TADA2A: variants seen among roughly 807,000 people sequenced by gnomAD.
TADA2A encodes transcriptional adapter 2-alpha.
A neutral mutation model predicts 67.4 loss-of-function variants in TADA2A; 38 were observed. That is an observed-to-expected ratio of 0.56 (90% CI 0.44 to 0.74). The LOEUF (loss-of-function observed/expected upper bound fraction) is 0.74. TADA2A is among the 30% of genes least tolerant of loss of function. The probability of loss-of-function intolerance (pLI) is 0.00; values close to 1 mark genes in which losing one functional copy is unlikely to be tolerated. For missense variants in TADA2A, 454 were observed against 547.0 expected (o/e 0.83, Z 1.70); for synonymous variants, 192 against 181.6 (o/e 1.06, Z -0.46).
At chr17:37,439,816 T>G (rs1877827847) in intron 5 of TADA2A, among the ~76,000 whole-genome samples, 1 of 152,062 alleles carries the variant, frequency 6.6e-6, no homozygotes. Flanking sequence ...TTCTGTATAT[T>G]TTGAATGTTC....
chr17:37,453,731 A>G (rs74321332), intron 8 of TADA2A, among the ~76,000 whole-genome samples: 143 of 136,044 alleles, frequency 1.1e-3, no homozygotes, highest in African/African-American at 3.7e-3. Flanking sequence ...TCTATTTTGG[A>G]TTGAAGCTTA....
At position 37,406,914 on chromosome 17, in the gene TADA2A, G is replaced by A. The variant is rs2051550106; in HGVS notation, c.-133G>A. The A allele has an allele frequency of 7.4e-6, 1 of 135,890 alleles. No individual in the cohort carries two copies. Among genetic ancestry groups the A allele is most frequent in the Non-Finnish European group, 1.6e-5 (1 of 62,966 alleles). The allele number at this position is 135,890 out of a possible 1,614,324, so 8.4% of individuals were successfully genotyped here. A position where few individuals can be genotyped will look rare whatever the true frequency, so the allele number is the denominator to read the frequency against. ...CAAAGCCCGGAGGCGCGCGCGACCG[G>A]CGGCTCTTTGGCGCGGATTAGGGGG... On this transcript the variant is annotated 5_prime_UTR_variant, in exon 1 of 16. Coordinates refer to ENST00000615182, the MANE Select transcript of TADA2A (RefSeq NM_001166105.3).
chr17:37,442,994 C>G (rs2052966780), intron 7 of TADA2A, among the ~76,000 whole-genome samples: 1 of 152,028 alleles, frequency 6.6e-6, no homozygotes, highest in African/African-American at 2.4e-5. Flanking sequence ...GAGACCCTGT[C>G]TCTACAAAAA....
At position 37,411,338 on chromosome 17, in the gene TADA2A, CA is replaced by C. The variant is rs775733980; in HGVS notation, c.-25del. The C allele has an allele frequency of 9.9e-6, 16 of 1,613,616 alleles. No homozygotes were observed. Among genetic ancestry groups the C allele is most frequent in the Non-Finnish European group, 1.4e-5 (16 of 1,179,634 alleles). ...TTGAAGAAGCTCTGCTGAGGAAGAC[CA>C]AAGCAGCACTCGTTGCCAATTAGGG... is the stretch of plus-strand genomic sequence containing the variant. On this transcript the variant is annotated 5_prime_UTR_variant, in exon 2 of 16. Transcript: ENST00000615182.
chr17:37,413,253 C>G (rs2051934292), intron 2 of TADA2A, among the ~76,000 whole-genome samples: 1 of 152,052 alleles, frequency 6.6e-6, no homozygotes, highest in Non-Finnish European at 1.5e-5. Flanking sequence ...TAAAGGAGCT[C>G]TAATTTACTT....
intron 1 of TADA2A, 50 bp downstream of exon 1, chr17:37,406,999 C>T (rs1000931927): frequency 5.4e-5 from 8 of 147,460 alleles, no homozygotes; most frequent in Non-Finnish European, 1.2e-4. Flanking sequence ...TGGCGGAGCG[C>T]GAGCCCCTCT....
At chr17:37,452,203 G>A (rs995981616) in intron 8 of TADA2A, among the ~76,000 whole-genome samples, 1 of 152,088 alleles carries the variant, frequency 6.6e-6, no homozygotes, top group East Asian at 1.9e-4. Context: ...AGGAGTTGCA[G>A]ACCACCCTGG....
chr17:37,409,749 G>A (rs1392548395), intron 1 of TADA2A, among the ~76,000 whole-genome samples: 2 of 144,706 alleles, frequency 1.4e-5, no homozygotes, highest in African/African-American at 2.6e-5. Flanking sequence ...CCTAGGCAAC[G>A]AGAGCGAGAC....
chr17:37,416,757 T>C (rs2052061374), intron 2 of TADA2A, among the ~76,000 whole-genome samples: 2 of 151,618 alleles, frequency 1.3e-5, no homozygotes, highest in Admixed American at 1.3e-4. Context: ...CCCAACTACT[T>C]GAGAGGCTGA....
intron 4 of TADA2A, 109 bp from the exon 5 acceptor site, chr17:37,437,629 C>A: frequency 6.7e-6 from 6 of 891,820 alleles, no homozygotes; most frequent in Non-Finnish European, 1.1e-5. Flanking sequence ...TCAGGTGATC[C>A]GCCCGCCTCC....
intron 4 of TADA2A, among the ~76,000 whole-genome samples, chr17:37,431,578 CT>C (rs59591200): frequency 0.43 from 60,106 of 138,340 alleles, 12,065 homozygotes; most frequent in East Asian, 0.76. Context: ...TTTATCTTTT[CT>C]TTTTTTTTTT....
intron 8 of TADA2A, among the ~76,000 whole-genome samples, chr17:37,457,315 G>C (rs1016995338): frequency 2.6e-5 from 4 of 150,958 alleles, no homozygotes; most frequent in African/African-American, 9.8e-5. Context: ...CGAGTAGCTG[G>C]GACTACAGGC....
Position 37,440,162 on chromosome 17 carries a change from G to A in TADA2A, c.285-343G>A, listed in dbSNP as rs112120478. ...GGGTTTCTCCATGTTGATCAGGCTGGTCTCTAACTCCCAACCTCAGGTGAT... is the reference window on the plus strand; with the variant it reads ...GGGTTTCTCCATGTTGATCAGGCTGATCTCTAACTCCCAACCTCAGGTGAT... On this transcript the variant is annotated intron_variant, in intron 5 of 15. Coordinates refer to ENST00000615182, the MANE Select transcript of TADA2A (RefSeq NM_001166105.3). 5.8e-3 allele frequency among the ~76,000 whole-genome samples: 884 copies of A among 151,974 alleles called. 5 individuals carry two copies. Among genetic ancestry groups the A allele is most frequent in the African/African-American group, 0.018 (764 of 41,446 alleles).
At chr17:37,445,488 A>G (rs539303189) in intron 8 of TADA2A, among the ~76,000 whole-genome samples, 152 of 151,862 alleles carry the variant, frequency 1.0e-3, no homozygotes, top group African/African-American at 3.4e-3. Flanking sequence ...CTGGTCTGCA[A>G]CTCCTAACCT....
intron 3 of TADA2A, among the ~76,000 whole-genome samples, chr17:37,425,559 A>G (rs1013197644): frequency 2.0e-5 from 3 of 152,206 alleles, no homozygotes; most frequent in Non-Finnish European, 2.9e-5. Flanking sequence ...GATTATAAGA[A>G]GCACCTCAAT....
intron 8 of TADA2A, among the ~76,000 whole-genome samples, chr17:37,457,076 C>T (rs1205093291): frequency 2.0e-5 from 3 of 152,066 alleles, no homozygotes; most frequent in Non-Finnish European, 4.4e-5. Context: ...CAACTGAAAA[C>T]TCCTACTCTG....
At chr17:37,418,436 G>C (rs937144333) in intron 2 of TADA2A, among the ~76,000 whole-genome samples, 1 of 152,084 alleles carries the variant, frequency 6.6e-6, no homozygotes, top group Non-Finnish European at 1.5e-5. Flanking sequence ...CTCCCTAGGG[G>C]GGAGTTGAGT....
intron 14 of TADA2A, among the ~76,000 whole-genome samples, chr17:37,473,368 T>C (rs778346797): frequency 3.3e-5 from 5 of 152,104 alleles, no homozygotes; most frequent in Non-Finnish European, 5.9e-5. Flanking sequence ...TTCTGAGTTC[T>C]TAAGGCAACT....
chr17:37,427,063 G>A (rs1423344409), intron 4 of TADA2A, 54 bp downstream of exon 4: 2 of 1,452,394 alleles, frequency 1.4e-6, no homozygotes, highest in African/African-American at 1.4e-5. Flanking sequence ...AATTAGACTG[G>A]GAAGTAGTTT....
Sources: allele counts gnomAD v4.1 joint callset (sites outside exome capture counted in the v4.1 genomes callset), GRCh38; gene constraint gnomAD v4.1.1; transcripts MANE v1.5; gene names NCBI Gene and HGNC (gene_info 2026-07-23, HGNC 2026-07-21).